COL4A3: variants seen among roughly 807,000 people sequenced by gnomAD.
The protein encoded by COL4A3 is collagen alpha-3(IV) chain.
A neutral mutation model predicts 217.4 loss-of-function variants in COL4A3; 135 were observed. The ratio of observed to expected loss-of-function variants is 0.62; its 90% CI spans 0.54 to 0.72. COL4A3 has a LOEUF of 0.72. Ranked by LOEUF, COL4A3 falls within the 30% of genes least tolerant of loss-of-function variation. The pLI is 0.00. For missense variants in COL4A3, 1,868 were observed against 2,119.9 expected, an observed-to-expected ratio of 0.88 and a Z score of 2.33; for synonymous variants, 690 against 736.3, an observed-to-expected ratio of 0.94 and a Z score of 1.02.
chr2:227,282,275 A>ATATATATATACATATATATATATATATAT lies in COL4A3; in HGVS notation c.2489-90_2489-89insTATATATATACATATATATATATATATAT, dbSNP rs1559896717. ...AGACAGAGGGAGATTCCATCTTAAAAATATATATATATATATATATATATA... is the reference window on the plus strand; with the variant it reads ...AGACAGAGGGAGATTCCATCTTAAAATATATATATACATATATATATATATATATATATATATATATATATATATATATA... On this transcript the variant is annotated intron_variant, in intron 31 of 51. Coordinates refer to ENST00000396578, the MANE Select transcript of COL4A3 (RefSeq NM_000091.5). The surrounding 1 kb of genome is among the most constrained non-coding windows in gnomAD (Gnocchi z 4.4). 2 of 334,844 alleles carry ATATATATATACATATATATATATATATAT rather than the reference A, an allele frequency of 6.0e-6. No homozygotes were observed. The highest frequency in any genetic ancestry group is 5.0e-5 in the African/African-American group (2 of 39,770). 20.7% of individuals were successfully genotyped at this position (334,844 alleles called of 1,614,324 possible). A position where few individuals can be genotyped will look rare whatever the true frequency, so the allele number is the denominator to read the frequency against.
intron 1 of COL4A3, among the ~76,000 whole-genome samples, chr2:227,181,865 T>G (rs1316365232): frequency 6.6e-6 from 1 of 152,178 alleles, no homozygotes; most frequent in East Asian, 1.9e-4. Context: ...TGGGTATAAT[T>G]TTTTTATACT....
At chr2:227,166,327 T>C (rs2065277234) in intron 1 of COL4A3, among the ~76,000 whole-genome samples, 1 of 152,248 alleles carries the variant, frequency 6.6e-6, no homozygotes, top group African/African-American at 2.4e-5. Flanking sequence ...GGGGATTATC[T>C]ACCAGCTTTA....
intron 36 of COL4A3, among the ~76,000 whole-genome samples, chr2:227,290,343 CA>C (rs957644019): frequency 2.6e-5 from 4 of 151,700 alleles, no homozygotes; most frequent in African/African-American, 9.7e-5. Flanking sequence ...ACTAAAGATA[CA>C]AAAAAAATAG....
At chr2:227,175,996 C>T (rs2065661578) in intron 1 of COL4A3, among the ~76,000 whole-genome samples, 3 of 152,138 alleles carry the variant, frequency 2.0e-5, no homozygotes, top group Admixed American at 6.5e-5. Context: ...GTGAAGCCCA[C>T]AGCAAGATTG....
Position 227,264,781 on chromosome 2 carries a change from G to A in COL4A3, c.1315+837G>A, listed in dbSNP as rs2070790024. On this transcript the variant is annotated intron_variant, in intron 21 of 51. Coordinates refer to ENST00000396578, the MANE Select transcript of COL4A3 (RefSeq NM_000091.5). Reference sequence around the variant, plus strand: ...TTCTATGTCAAGGCTGACATACAGAGTTCACAGGGCTAATGAAGCTAAAGC... The same window carrying A: ...TTCTATGTCAAGGCTGACATACAGAATTCACAGGGCTAATGAAGCTAAAGC... 3 of 152,304 alleles carry A rather than the reference G, an allele frequency of 2.0e-5. No homozygotes were observed. In the South Asian group the frequency reaches 6.2e-4, roughly 32 times the overall value. 9.4% of individuals were successfully genotyped at this position (152,304 alleles called of 1,614,324 possible).
At chr2:227,266,568 C>T (rs2125981440) in intron 22 of COL4A3, 59 bp downstream of exon 22, 1 of 1,310,812 alleles carries the variant, frequency 7.6e-7, no homozygotes, top group East Asian at 2.4e-5. Context: ...ATTATTATCA[C>T]TGATTTTTCC....
intron 35 of COL4A3, 126 bp from the exon 36 acceptor site, chr2:227,289,873 A>G (rs932613600): frequency 8.0e-5 from 67 of 840,910 alleles, no homozygotes; most frequent in Non-Finnish European, 2.0e-6. Flanking sequence ...GGACAGCTAG[A>G]CAAGTGCCCA....
chr2:227,238,178 A>AC (rs1407585977), intron 2 of COL4A3, 154 bp downstream of exon 2: 1 of 393,818 alleles, frequency 2.5e-6, no homozygotes, highest in Admixed American at 4.3e-5. Flanking sequence ...CATTAACCTA[A>AC]AAAAAAAAAA....
At chr2:227,281,291 T>C (rs1427204659) in intron 31 of COL4A3, among the ~76,000 whole-genome samples, 1 of 152,236 alleles carries the variant, frequency 6.6e-6, no homozygotes, top group Admixed American at 6.5e-5. Flanking sequence ...TGTTTACATA[T>C]ATTTATATAC....
chr2:227,211,902 G>GTGCTAGGCAAA (rs2067338343), intron 1 of COL4A3, among the ~76,000 whole-genome samples: 1 of 152,020 alleles, frequency 6.6e-6, no homozygotes, highest in Non-Finnish European at 1.5e-5. Context: ...ACTGACCTCA[G>GTGCTAGGCAAA]GTGATCTGCC....
chr2:227,311,594 T>C (rs1029131661), intron 51 of COL4A3, among the ~76,000 whole-genome samples, 192 bp from the exon 52 acceptor site: 4 of 152,084 alleles, frequency 2.6e-5, no homozygotes, highest in Non-Finnish European at 4.4e-5. Flanking sequence ...TGGCCGCTGG[T>C]CTGAAACTCC....
intron 43 of COL4A3, 148 bp downstream of exon 43, chr2:227,298,960 A>T (rs897107870): frequency 8.8e-6 from 7 of 798,946 alleles, no homozygotes; most frequent in Non-Finnish European, 1.3e-5. Flanking sequence ...AGACTGGGTA[A>T]TTTATAAAAG....
At chr2:227,310,741 CAG>C (rs1194618740) in intron 50 of COL4A3, 33 bp from the exon 51 acceptor site, 8 of 1,595,194 alleles carry the variant, frequency 5.0e-6, no homozygotes, top group African/African-American at 1.3e-5. Flanking sequence ...CCCCAATGGA[CAG>C]AGTGTTTATT....
At chr2:227,219,953 A>G (rs935275869) in intron 1 of COL4A3, among the ~76,000 whole-genome samples, 51 of 151,938 alleles carry the variant, frequency 3.4e-4, no homozygotes, top group African/African-American at 1.2e-3. Flanking sequence ...TACCATCTCG[A>G]CCTGTAGGAA....
At chr2:227,197,670 G>A (rs1484586236) in intron 1 of COL4A3, among the ~76,000 whole-genome samples, 1 of 152,082 alleles carries the variant, frequency 6.6e-6, no homozygotes, top group African/African-American at 2.4e-5. Context: ...GAAAGCATTT[G>A]GGAAAACTTC....
intron 1 of COL4A3, among the ~76,000 whole-genome samples, chr2:227,167,543 A>AT (rs1193213758): frequency 1.3e-5 from 2 of 152,252 alleles, no homozygotes; most frequent in African/African-American, 2.4e-5. Flanking sequence ...ATGTTCACAC[A>AT]TTAAGATATC....
rs2066233912 is a variant in COL4A3, at chr2:227,191,392, G to A, written c.87+26579G>A. 1.3e-5 allele frequency among the ~76,000 whole-genome samples: 2 copies of A among 152,126 alleles called. No individual in the cohort carries two copies. Among genetic ancestry groups the A allele is most frequent in the Non-Finnish European group, 2.9e-5 (2 of 68,024 alleles). ...AAACAAAAAATTTAAGTGGGTGAGG[G>A]GGCAGGAAGAACAATAAAGAAAGCT... On this transcript the variant is annotated intron_variant, in intron 1 of 51. Coordinates refer to ENST00000396578, the MANE Select transcript of COL4A3 (RefSeq NM_000091.5). The surrounding 1 kb of genome is among the most constrained non-coding windows in gnomAD (Gnocchi z 6.8).
At chr2:227,291,338 C>T (rs563448493) in intron 37 of COL4A3, among the ~76,000 whole-genome samples, 1 of 151,992 alleles carries the variant, frequency 6.6e-6, no homozygotes, top group Admixed American at 6.5e-5. Context: ...CCGAGACGGG[C>T]GGATCACGAG....
rs376587950 is a variant in COL4A3, at chr2:227,313,504, G to C, written c.*1634G>C. The C allele has an allele frequency of 1.3e-5, 2 of 152,604 alleles. No homozygotes were observed. The highest frequency in any genetic ancestry group is 4.8e-5 in the African/African-American group (2 of 41,444). The allele number at this position is 152,604 out of a possible 1,614,324, so 9.5% of individuals were successfully genotyped here. A position where few individuals can be genotyped will look rare whatever the true frequency, so the allele number is the denominator to read the frequency against. On this transcript the variant is annotated 3_prime_UTR_variant, in exon 52 of 52. Coordinates refer to ENST00000396578, the MANE Select transcript of COL4A3 (RefSeq NM_000091.5). Reference sequence around the variant, plus strand: ...TAGAGTCCAGACACAAAGAGACAAAGCTTTGAAGATGCTTTTTGATCTACC... The same window carrying C: ...TAGAGTCCAGACACAAAGAGACAAACCTTTGAAGATGCTTTTTGATCTACC...
Sources: gnomAD v4.1 joint callset for allele counts (sites outside exome capture counted in the v4.1 genomes callset) on GRCh38, gnomAD v4.1.1 for gene constraint, Gnocchi (gnomAD v3.1) non-coding constraint, MANE v1.5 for transcripts, NCBI Gene and HGNC (gene_info 2026-07-23, HGNC 2026-07-21) for gene names.